Variants in BANP observed in about 807,000 individuals in gnomAD.
BANP encodes the protein BTG3 associated nuclear protein.
BANP carries 11 observed loss-of-function variants against 68.1 expected under a neutral mutation model. The ratio of observed to expected loss-of-function variants is 0.16; its 90% CI spans 0.10 to 0.27. BANP has a LOEUF of 0.27. Among genes scored for constraint, BANP ranks in the 10% least tolerant of loss-of-function variants. The probability of loss-of-function intolerance (pLI) is 1.00; values close to 1 mark genes in which losing one functional copy is unlikely to be tolerated. For synonymous variants in BANP, 329 were observed against 303.2 expected (o/e 1.09, Z -0.88); for missense variants, 504 against 722.7 (o/e 0.70, Z 3.47).
Position 88,006,165 on chromosome 16 carries a change from G to A in BANP, c.555G>A (p.Gly185=). 3.1e-6 allele frequency: 5 copies of A among 1,614,058 alleles called. No homozygotes were observed. The highest frequency in any genetic ancestry group is 4.2e-6 in the Non-Finnish European group (5 of 1,179,948). ...PGQEDSHHED[G]ESGSEASDSV... Reference sequence around the variant, plus strand: ...AAGAAGACAGCCACCACGAGGACGGGGAGAGCGGCTCGGAGGCCAGCGACT... The same window carrying A: ...AAGAAGACAGCCACCACGAGGACGGAGAGAGCGGCTCGGAGGCCAGCGACT... Residue 185 remains glycine, a synonymous_variant, in exon 6 of 14, where the codon GGG becomes GGA. Transcript: ENST00000682872.
chr16:87,966,537 A>T (rs1482240715), intron 1 of BANP, among the ~76,000 whole-genome samples: 1 of 152,098 alleles, frequency 6.6e-6, no homozygotes, highest in Non-Finnish European at 1.5e-5. Flanking sequence ...ATGACTCTTG[A>T]TCCTGGCAAC....
chr16:87,977,380 C>T (rs2062367622), intron 2 of BANP, among the ~76,000 whole-genome samples: 1 of 150,924 alleles, frequency 6.6e-6, no homozygotes, highest in Non-Finnish European at 1.5e-5. Context: ...GATCGCGCCA[C>T]TGCACTCCAG....
In BANP at chr16:87,997,885, C is replaced by A. The variant is rs1227301421; in HGVS notation, c.363-6410C>A. ...GGCTGGGTCTCATGGTGGCTGCTGG[C>A]TCCCACCAGTCAGCCCTCAGACTTT... On this transcript the variant is annotated intron_variant, in intron 4 of 13. Transcript: ENST00000682872. 3.3e-5 allele frequency among the ~76,000 whole-genome samples: 5 copies of A among 152,356 alleles called. No homozygotes were observed. The East Asian group carries it at 9.6e-4, about 29-fold the overall frequency.
chr16:88,015,734 C>A (rs1488364917), intron 6 of BANP, among the ~76,000 whole-genome samples: 1 of 152,262 alleles, frequency 6.6e-6, no homozygotes, highest in Admixed American at 6.5e-5. Context: ...AGCTACCAGG[C>A]AGCTGCCGCA....
At chr16:88,065,494 T>C (rs2088274823) in intron 12 of BANP, among the ~76,000 whole-genome samples, 162 bp downstream of exon 12, 1 of 152,204 alleles carries the variant, frequency 6.6e-6, no homozygotes, top group African/African-American at 2.4e-5. Context: ...CCTTTGCCCA[T>C]GTAAAGTAAC....
Position 87,953,455 on chromosome 16 carries a change from G to T in BANP, c.-69+1940G>T, listed in dbSNP as rs113806243. 3.3e-5 allele frequency among the ~76,000 whole-genome samples: 5 copies of T among 152,228 alleles called. No individual in the cohort carries two copies. The South Asian group carries it at 8.3e-4, about 25-fold the overall frequency. On this transcript the variant is annotated intron_variant, in intron 1 of 13. Coordinates refer to ENST00000682872, the MANE Select transcript of BANP (RefSeq NM_001386991.1). ...AACTCCTGAGCTCAAGTGATCCTCAGCCTCCTTAGTAGCCGCTAATACAGG... is the reference window on the plus strand; with the variant it reads ...AACTCCTGAGCTCAAGTGATCCTCATCCTCCTTAGTAGCCGCTAATACAGG...
At chr16:87,978,673 G>C (rs1215006961) in intron 2 of BANP, 4 of 469,624 alleles carry the variant, frequency 8.5e-6, no homozygotes, top group Non-Finnish European at 1.8e-5. Context: ...CTCAGCCCCT[G>C]AGTAGCTGGG....
chr16:88,023,745 C>T (rs1045039817), intron 7 of BANP, among the ~76,000 whole-genome samples: 9 of 152,134 alleles, frequency 5.9e-5, no homozygotes, highest in Non-Finnish European at 1.0e-4. Flanking sequence ...GAGTCAGTAA[C>T]GGGGGTTCTG....
chr16:88,040,742 G>A (rs2080565074), intron 11 of BANP, among the ~76,000 whole-genome samples: 1 of 152,244 alleles, frequency 6.6e-6, no homozygotes, highest in Non-Finnish European at 1.5e-5. Context: ...CTGCCCTGGT[G>A]TGAGCACTGG....
chr16:87,954,978 C>T (rs1051461420), intron 1 of BANP, among the ~76,000 whole-genome samples: 1 of 152,250 alleles, frequency 6.6e-6, no homozygotes, highest in African/African-American at 2.4e-5. Context: ...CTCTGAATTG[C>T]AGCGTGGGCT....
chr16:88,006,671 A>G (rs532382335), intron 6 of BANP, among the ~76,000 whole-genome samples: 1 of 145,704 alleles, frequency 6.9e-6, no homozygotes, highest in East Asian at 2.1e-4. Context: ...GATACAGTAT[A>G]GGACAGGCTC....
chr16:87,967,230 C>T (rs1360063654), intron 1 of BANP, among the ~76,000 whole-genome samples: 2 of 140,856 alleles, frequency 1.4e-5, no homozygotes, highest in Non-Finnish European at 3.1e-5. Context: ...TTTTGTCTGT[C>T]TGTACTTTTT....
At chr16:88,024,430 C>T (rs2076589743) in intron 7 of BANP, among the ~76,000 whole-genome samples, 1 of 152,226 alleles carries the variant, frequency 6.6e-6, no homozygotes, top group Admixed American at 6.5e-5. Flanking sequence ...AGATCAAATG[C>T]TTAAAGTGGA....
At chr16:87,975,641 A>G (rs189054752) in intron 2 of BANP, among the ~76,000 whole-genome samples, 1 of 146,446 alleles carries the variant, frequency 6.8e-6, no homozygotes, top group South Asian at 2.1e-4. Flanking sequence ...CAGGATCCTT[A>G]CCATGTTGTG....
chr16:87,965,744 C>A (rs955147378), intron 1 of BANP, among the ~76,000 whole-genome samples: 2 of 152,118 alleles, frequency 1.3e-5, no homozygotes, highest in Non-Finnish European at 2.9e-5. Flanking sequence ...GATTTAAGGC[C>A]AGGTTAAAGA....
At chr16:88,046,829 G>T (rs1210373114) in intron 11 of BANP, among the ~76,000 whole-genome samples, 1 of 152,108 alleles carries the variant, frequency 6.6e-6, no homozygotes, top group Non-Finnish European at 1.5e-5. Context: ...CACTTTAGGA[G>T]GCCGAGGCGG....
chr16:87,956,942 G>A (rs1459613004), intron 1 of BANP: 1 of 152,198 alleles, frequency 6.6e-6, no homozygotes, highest in Non-Finnish European at 1.5e-5. Context: ...AGCACCCCGG[G>A]GCCTCCGTGG....
chr16:88,047,022 C>T (rs554705753), intron 11 of BANP, among the ~76,000 whole-genome samples: 8 of 151,776 alleles, frequency 5.3e-5, no homozygotes, highest in East Asian at 2.0e-4. Flanking sequence ...GCCAAGATTG[C>T]GCCATTGCAT....
At chr16:88,039,504 C>G (rs570917059) in intron 11 of BANP, among the ~76,000 whole-genome samples, 1 of 144,638 alleles carries the variant, frequency 6.9e-6, no homozygotes, top group South Asian at 2.3e-4. Context: ...CGTTTAATTC[C>G]TAGGAAAAGT....
Sources: allele counts gnomAD v4.1 joint callset (sites outside exome capture counted in the v4.1 genomes callset), GRCh38; gene constraint gnomAD v4.1.1; transcripts MANE v1.5; gene names NCBI Gene and HGNC (gene_info 2026-07-23, HGNC 2026-07-21).